Variants in ENTPD4 observed in about 807,000 individuals in gnomAD.
The protein encoded by ENTPD4 is ectonucleoside triphosphate diphosphohydrolase 4, also known as Golgi UDPase.
ENTPD4 carries 60 observed loss-of-function variants against 79.1 expected under a neutral mutation model. That is an observed-to-expected ratio of 0.76 (90% CI 0.62 to 0.94). The LOEUF is 0.94. Among genes scored for constraint, ENTPD4 ranks in the 40% least tolerant of loss-of-function variants. ENTPD4 has a pLI of 0.00. For missense variants in ENTPD4, 772 were observed against 775.1 expected, an observed-to-expected ratio of 1.00 and a Z score of 0.05; for synonymous variants, 276 against 292.0, an observed-to-expected ratio of 0.95 and a Z score of 0.56.
chr8:23,442,541 G>A (rs977177961), intron 6 of ENTPD4, among the ~76,000 whole-genome samples: 4 of 152,092 alleles, frequency 2.6e-5, no homozygotes, highest in African/African-American at 9.7e-5. Context: ...AAAATTAGTT[G>A]GGCATGGTGG....
At chr8:23,456,719 T>C (rs557342216) in intron 1 of ENTPD4, among the ~76,000 whole-genome samples, 2 of 152,338 alleles carry the variant, frequency 1.3e-5, no homozygotes, top group South Asian at 4.1e-4. Context: ...ATCAAATATA[T>C]GGTAACACAA....
chr8:23,441,631 C>T lies in ENTPD4; in HGVS notation c.820G>A (p.Gly274Ser), dbSNP rs375276900. 10 of 1,614,052 alleles carry T rather than the reference C, an allele frequency of 6.2e-6. No homozygotes were observed. Among genetic ancestry groups the T allele is most frequent in the Admixed American group, 3.3e-5 (2 of 60,014 alleles). Residue 274 changes from glycine to serine, a missense_variant, in exon 8 of 13, where the codon GGC (glycine) becomes AGC (serine). By Grantham distance (56) the Gly-to-Ser change is moderately conservative. Transcript: ENST00000358689. ...TCGTACGCTATCTGAGTCGACACGC[C>T]GCCCATGTCGAGAATGCCCGCTGTC... Reference protein sequence around the residue: ...KRTAGILDMGGVSTQIAYEVP... With the variant: ...KRTAGILDMGSVSTQIAYEVP...
At chr8:23,451,727 G>A (rs1800866449) in intron 1 of ENTPD4, among the ~76,000 whole-genome samples, 1 of 152,128 alleles carries the variant, frequency 6.6e-6, no homozygotes, top group Admixed American at 6.5e-5. Flanking sequence ...GCACTCTCTG[G>A]TCTCAGGGTC....
At chr8:23,453,381 CA>C (rs907517455) in intron 1 of ENTPD4, among the ~76,000 whole-genome samples, 3 of 151,912 alleles carry the variant, frequency 2.0e-5, no homozygotes, top group Non-Finnish European at 2.9e-5. Context: ...TTAAAACAAA[CA>C]AAAAAATCCC....
chr8:23,454,536 A>G (rs754104727), intron 1 of ENTPD4, among the ~76,000 whole-genome samples: 7 of 152,220 alleles, frequency 4.6e-5, no homozygotes, highest in Non-Finnish European at 8.8e-5. Context: ...GATTCTTGTT[A>G]TAAGAGCTCA....
Position 23,448,760 on chromosome 8 carries a change from C to T in ENTPD4, c.188G>A (p.Arg63Lys). 1 of 1,614,016 alleles carries T rather than the reference C, an allele frequency of 6.2e-7. No homozygotes were observed. Among genetic ancestry groups the T allele is most frequent in the Non-Finnish European group, 8.5e-7 (1 of 1,179,962 alleles). ...IIRNKYGRLT[R>K]DKKFQRYLAR... ...CTCTTACCTTTGAAATTTCTTGTCT[C>T]TGGTTAGTCGCCCATACTTATTTCG... Residue 63 changes from arginine (R) to lysine (K), a missense_variant, in exon 3 of 13, where the codon AGA becomes AAA. Coordinates refer to ENST00000358689, the MANE Select transcript of ENTPD4 (RefSeq NM_004901.5).
Position 23,430,169 on chromosome 8 carries a change from C to A in ENTPD4, c.*2757G>T, listed in dbSNP as rs532881463. The A allele has an allele frequency of 7.9e-5, 78 of 985,468 alleles. No homozygotes were observed. The African/African-American group carries it at 1.4e-3, about 17-fold the overall frequency. The allele number at this position is 985,468 out of a possible 1,614,324, so 61.0% of individuals were successfully genotyped here. On this transcript the variant is annotated 3_prime_UTR_variant, in exon 13 of 13. Transcript: ENST00000358689. ...CACCCTGTATCTCTTAGAGAAAGCA[C>A]CTGGCTGTCTTCACCTACGCGAGAC...
chr8:23,453,737 C>T (rs1380050595), intron 1 of ENTPD4, among the ~76,000 whole-genome samples: 2 of 152,144 alleles, frequency 1.3e-5, no homozygotes, highest in Non-Finnish European at 2.9e-5. Context: ...CACACACGAA[C>T]ACTTATGCAT....
At chr8:23,450,840 A>G (rs942084732) in intron 1 of ENTPD4, among the ~76,000 whole-genome samples, 6 of 152,122 alleles carry the variant, frequency 3.9e-5, no homozygotes, top group Non-Finnish European at 5.9e-5. Flanking sequence ...AATGTTGCAC[A>G]GAACCATGAG....
Position 23,442,034 on chromosome 8 carries a change from G to A in ENTPD4, c.700C>T (p.Leu234Phe), listed in dbSNP as rs921477519. ...TCTTCAATATGCTCAAATCGTCCAA[G>A]GACAAAATTAATGCCAATCCAAGCA... ...VYAWIGINFV[L>F]GRFEHIEDDD... The change falls in exon 7 of 13, where the codon CTT becomes TTT. Residue 234 changes from leucine to phenylalanine, a missense_variant. Leu to Phe is a conservative substitution (Grantham distance 22). Transcript: ENST00000358689. 1 of 1,613,492 alleles carries A rather than the reference G, an allele frequency of 6.2e-7. No individual in the cohort carries two copies. The highest frequency in any genetic ancestry group is 1.7e-5 in the Admixed American group (1 of 60,000).
At chr8:23,450,026 A>C in intron 1 of ENTPD4, 29 bp from the exon 2 acceptor site, 1 of 1,146,702 alleles carries the variant, frequency 8.7e-7, no homozygotes, top group South Asian at 1.3e-5. Context: ...CAAATCACAA[A>C]GATAGCATCA....
chr8:23,451,416 C>T (rs1463444998), intron 1 of ENTPD4, among the ~76,000 whole-genome samples: 1 of 152,168 alleles, frequency 6.6e-6, no homozygotes, highest in Non-Finnish European at 1.5e-5. Flanking sequence ...AGGCTCTTAT[C>T]TCTTGCCTGC....
chr8:23,436,538 T>G (rs1800564132), intron 10 of ENTPD4, among the ~76,000 whole-genome samples: 1 of 151,822 alleles, frequency 6.6e-6, no homozygotes, highest in African/African-American at 2.4e-5. Flanking sequence ...AGGGGCCAAG[T>G]GTGGAAGTCT....
chr8:23,437,210 G>A lies in ENTPD4; in HGVS notation c.1098C>T (p.Asp366=), dbSNP rs1800580669. ...CTTTAATGTCTAGGGGTAGGCAGGG[G>A]TCCAAGTACGGCATATCAGGAGTCA... ...TGLTPDMPYL[D]PCLPLDIKDE... The change falls in exon 10 of 13, where the codon GAC becomes GAT. Residue 366 remains aspartate (D), a synonymous_variant. Transcript: ENST00000358689. 5.0e-6 allele frequency: 8 copies of A among 1,614,060 alleles called. No homozygotes were observed. In the East Asian group the frequency reaches 1.8e-4, roughly 36 times the overall value.
intron 8 of ENTPD4, among the ~76,000 whole-genome samples, chr8:23,440,611 G>T (rs958226881): frequency 6.6e-6 from 1 of 152,066 alleles, no homozygotes; most frequent in Non-Finnish European, 1.5e-5. Flanking sequence ...TGGAATGGGA[G>T]GTAGGAAAAA....
chr8:23,436,861 G>A (rs1265766575), intron 10 of ENTPD4, 73 bp downstream of exon 10: 10 of 1,156,934 alleles, frequency 8.6e-6, no homozygotes, highest in African/African-American at 1.5e-5. Context: ...AATGTGAAAG[G>A]AGGACATAAC....
intron 12 of ENTPD4, 86 bp from the exon 13 acceptor site, chr8:23,433,240 G>T (rs1800493170): frequency 3.5e-6 from 4 of 1,142,426 alleles, no homozygotes; most frequent in South Asian, 1.4e-5. Flanking sequence ...CGGGACCCAG[G>T]CCCCAGAGCT....
chr8:23,453,509 A>G (rs1800900781), intron 1 of ENTPD4, among the ~76,000 whole-genome samples: 1 of 152,242 alleles, frequency 6.6e-6, no homozygotes, highest in African/African-American at 2.4e-5. Flanking sequence ...TGAACAGAAA[A>G]ATGAGCAAAG....
chr8:23,456,030 C>T (rs1377411255), intron 1 of ENTPD4, among the ~76,000 whole-genome samples: 3 of 152,230 alleles, frequency 2.0e-5, no homozygotes, highest in South Asian at 2.1e-4. Context: ...TCACTGTGCA[C>T]GCCACACTTT....
Sources: gnomAD v4.1 joint callset for allele counts (sites outside exome capture counted in the v4.1 genomes callset) on GRCh38, gnomAD v4.1.1 for gene constraint, MANE v1.5 for transcripts, NCBI Gene and HGNC (gene_info 2026-07-23, HGNC 2026-07-21) for gene names.